SAMD7: variants seen among roughly 807,000 people sequenced by gnomAD.
The protein encoded by SAMD7 is sterile alpha motif domain containing 7.
In SAMD7, 34 loss-of-function variants were observed where a neutral mutation model predicts 36.7. The observed-to-expected ratio is 0.93, with a 90% CI of 0.71 to 1.23. SAMD7 has a LOEUF of 1.23. Among genes scored for constraint, SAMD7 ranks in the 50% most tolerant of loss-of-function variants. The probability of loss-of-function intolerance (pLI) is 0.00; values close to 1 mark genes in which losing one functional copy is unlikely to be tolerated. For synonymous variants in SAMD7, 188 were observed against 189.7 expected, an observed-to-expected ratio of 0.99 and a Z score of 0.07; for missense variants, 570 against 546.6, an observed-to-expected ratio of 1.04 and a Z score of -0.43.
At chr3:169,916,906 A>G (rs1429367966) in intron 2 of SAMD7, among the ~76,000 whole-genome samples, 1 of 152,162 alleles carries the variant, frequency 6.6e-6, no homozygotes, top group Non-Finnish European at 1.5e-5. Context: ...TCCTCGCTAG[A>G]GTTATGAGCC....
chr3:169,918,068 G>C (rs180680710), intron 2 of SAMD7, among the ~76,000 whole-genome samples: 1 of 152,118 alleles, frequency 6.6e-6, no homozygotes, highest in Non-Finnish European at 1.5e-5. Flanking sequence ...CTCCCGAGTA[G>C]CTGGGATTAC....
intron 8 of SAMD7, among the ~76,000 whole-genome samples, chr3:169,937,761 T>C (rs1160766692): frequency 2.0e-5 from 3 of 152,204 alleles, no homozygotes; most frequent in Non-Finnish European, 2.9e-5. Context: ...TATATTCCTT[T>C]GGGTAAATAG....
chr3:169,914,658 G>A (rs1273064450), intron 1 of SAMD7, among the ~76,000 whole-genome samples: 2 of 152,294 alleles, frequency 1.3e-5, no homozygotes. Flanking sequence ...AAGAACAGAT[G>A]TGGTACCAAG....
Position 169,928,476 on chromosome 3 carries a change from A to G in SAMD7, c.939A>G (p.Thr313=). 6.2e-7 allele frequency: 1 copy of G among 1,612,826 alleles called. No individual in the cohort carries two copies. The highest frequency in any genetic ancestry group is 2.2e-5 in the East Asian group (1 of 44,878). ...TTAAAGGAACACATGCACTGGTTAC[A>G]ATTGGGGGGAATCTTTCTTTGGATG... The part of the protein sequence containing the change: ...PSLPGTHALV[T]IGGNLSLDED... Residue 313 remains threonine (T), a synonymous_variant, in exon 7 of 9, where the codon ACA becomes ACG. Transcript: ENST00000335556.
intron 2 of SAMD7, among the ~76,000 whole-genome samples, chr3:169,917,047 G>T (rs1310133174): frequency 6.6e-6 from 1 of 152,214 alleles, no homozygotes; most frequent in Non-Finnish European, 1.5e-5. Flanking sequence ...TATCAGAAAG[G>T]AAAGTATACT....
intron 7 of SAMD7, among the ~76,000 whole-genome samples, chr3:169,929,254 A>G (rs1349944527): frequency 6.6e-6 from 1 of 152,170 alleles, no homozygotes; most frequent in Admixed American, 6.5e-5. Context: ...ATTTTCATGC[A>G]TTTAGTTTAC....
At chr3:169,926,167 C>T (rs1290670) in intron 5 of SAMD7, 177,195 of 682,000 alleles carry the variant, frequency 0.26, 23,656 homozygotes, top group African/African-American at 0.34. Flanking sequence ...TTGAGACTTG[C>T]AATGTCTAAT....
At position 169,927,057 on chromosome 3, in the gene SAMD7, T is replaced by G; in HGVS notation, c.795T>G (p.Ser265=). 1 of 1,612,310 alleles carries G rather than the reference T, an allele frequency of 6.2e-7. No individual in the cohort carries two copies. Among genetic ancestry groups the G allele is most frequent in the Non-Finnish European group, 8.5e-7 (1 of 1,179,504 alleles). The change falls in exon 6 of 9, where the codon TCT becomes TCG. Residue 265 remains serine (S), a synonymous_variant. Coordinates refer to ENST00000335556, the MANE Select transcript of SAMD7 (RefSeq NM_001304366.2). The part of the protein sequence containing the change: ...LEPTHRKPWG[S]HTTTLKAKAW... ...CCACCCATAGGAAACCCTGGGGGTC[T>G]CACACCACTACCCTGAAAGCAAAGG...
At chr3:169,925,310 C>T (rs982142142) in intron 5 of SAMD7, among the ~76,000 whole-genome samples, 174 bp downstream of exon 5, 2 of 151,962 alleles carry the variant, frequency 1.3e-5, no homozygotes, top group African/African-American at 2.4e-5. Context: ...ATAGTCTGCT[C>T]TGCCTATGGG....
At chr3:169,913,811 A>G (rs2108253029) in intron 1 of SAMD7, among the ~76,000 whole-genome samples, 1 of 152,368 alleles carries the variant, frequency 6.6e-6, no homozygotes, top group African/African-American at 2.4e-5. Context: ...GTTCACATTT[A>G]AAGACTCGTG....
chr3:169,928,055 C>G (rs1468864783), intron 6 of SAMD7, among the ~76,000 whole-genome samples: 1 of 152,152 alleles, frequency 6.6e-6, no homozygotes, highest in East Asian at 1.9e-4. Flanking sequence ...ATACAGCCAC[C>G]ATACCAACTG....
chr3:169,921,428 T>C, intron 4 of SAMD7, 90 bp downstream of exon 4: 1 of 1,354,908 alleles, frequency 7.4e-7, no homozygotes, highest in Non-Finnish European at 1.0e-6. Flanking sequence ...CTCCTAAATT[T>C]TGGAGGCAGA....
chr3:169,933,594 T>G (rs535069872), intron 7 of SAMD7, among the ~76,000 whole-genome samples: 1 of 152,360 alleles, frequency 6.6e-6, no homozygotes, highest in South Asian at 2.1e-4. Context: ...AACATTTCAG[T>G]CCTTTCTCCA....
At chr3:169,921,874 A>T (rs1713057777) in intron 4 of SAMD7, among the ~76,000 whole-genome samples, 1 of 152,238 alleles carries the variant, frequency 6.6e-6, no homozygotes, top group Non-Finnish European at 1.5e-5. Context: ...CTAAAAGATT[A>T]TGACAGCTTG....
At chr3:169,932,102 T>C (rs1293805964) in intron 7 of SAMD7, 1 of 522,598 alleles carries the variant, frequency 1.9e-6, no homozygotes, top group Non-Finnish European at 3.5e-6. Context: ...CCAAGCAGCG[T>C]TTCACTACTT....
chr3:169,913,123 C>A (rs1157151731), intron 1 of SAMD7, among the ~76,000 whole-genome samples: 1 of 152,152 alleles, frequency 6.6e-6, no homozygotes. Context: ...TTATTTATCT[C>A]AGAACTGTGG....
intron 2 of SAMD7, 97 bp from the exon 3 acceptor site, chr3:169,919,360 TG>T: frequency 1.5e-6 from 1 of 673,252 alleles, no homozygotes; most frequent in South Asian, 1.8e-5. Flanking sequence ...TCCCAAGTGT[TG>T]TGAAAATACA....
chr3:169,925,445 G>A (rs190889775), intron 5 of SAMD7, among the ~76,000 whole-genome samples: 12 of 152,162 alleles, frequency 7.9e-5, no homozygotes, highest in African/African-American at 1.9e-4. Context: ...TAGAAATCAC[G>A]GCCGGGCACA....
intron 7 of SAMD7, chr3:169,933,211 C>T (rs1713587295): frequency 3.2e-6 from 2 of 634,376 alleles, no homozygotes; most frequent in Non-Finnish European, 5.9e-6. Context: ...TGGTAGAAGA[C>T]ACAATGCCTT....
Sources: allele counts gnomAD v4.1 joint callset (sites outside exome capture counted in the v4.1 genomes callset), GRCh38; gene constraint gnomAD v4.1.1; transcripts MANE v1.5; gene names NCBI Gene and HGNC (gene_info 2026-07-23, HGNC 2026-07-21).